Variants in KANSL1 observed in about 807,000 individuals in gnomAD.
The protein encoded by KANSL1 is KAT8 regulatory NSL complex subunit 1, also known as MLL1/MLL complex subunit KANSL1.
Under a neutral mutation model 103.6 loss-of-function variants are expected in KANSL1, and 22 were observed. That is an observed-to-expected ratio of 0.21 (90% CI 0.15 to 0.30). The LOEUF is 0.30. Among genes scored for constraint, KANSL1 ranks in the 10% least tolerant of loss-of-function variants. The pLI, the probability that KANSL1 is intolerant of heterozygous loss-of-function variation, is 1.00. For synonymous variants in KANSL1, 600 were observed against 527.6 expected (o/e 1.14, Z -1.88); for missense variants, 1,337 against 1,399.8 (o/e 0.96, Z 0.72).
At chr17:46,214,225 A>G (rs2048268442) in intron 1 of KANSL1, among the ~76,000 whole-genome samples, 1 of 152,256 alleles carries the variant, frequency 6.6e-6, no homozygotes, top group South Asian at 2.1e-4. Context: ...GACTGGGACC[A>G]ATAGATCCAA....
intron 7 of KANSL1, among the ~76,000 whole-genome samples, chr17:46,047,781 C>G (rs2077564177): frequency 6.9e-6 from 1 of 145,312 alleles, no homozygotes; most frequent in African/African-American, 2.5e-5. Context: ...GAGCAAGACC[C>G]TGTATCTAAA....
chr17:46,192,309 T>A (rs1255039462), intron 1 of KANSL1: 1 of 139,188 alleles, frequency 7.2e-6, no homozygotes, highest in Non-Finnish European at 1.6e-5. Context: ...CCTCTTTAGT[T>A]TAAAAAAAAA....
Position 46,033,460 on chromosome 17 carries a change from G to A in KANSL1, c.2667C>T (p.Ser889=). The part of the protein sequence containing the change: ...KLQYKEILTP[S]WREVDLQSLK... The stretch of plus-strand genomic sequence containing the variant: ...GAGACTGAAGATCAACCTCCCGCCA[G>A]CTGCAAAACCAAGAACAGACAATCA... Residue 889 remains serine (S), a splice_region_variant and synonymous_variant, in exon 12 of 15, where the codon AGC becomes AGT. Transcript: ENST00000432791. The A allele has an allele frequency of 2.5e-6, 4 of 1,614,046 alleles. No homozygotes were observed. The highest frequency in any genetic ancestry group is 3.4e-6 in the Non-Finnish European group (4 of 1,179,920).
intron 2 of KANSL1, among the ~76,000 whole-genome samples, chr17:46,116,149 C>T (rs2043035433): frequency 6.6e-6 from 1 of 152,188 alleles, no homozygotes; most frequent in South Asian, 2.1e-4. Flanking sequence ...GGATTTTATA[C>T]TTCACAAAAA....
Position 46,145,507 on chromosome 17 carries a change from G to A in KANSL1, c.1289+25348C>T, listed in dbSNP as rs543872590. Among the ~76,000 whole-genome samples the A allele has an allele frequency of 3.9e-5, 6 of 152,324 alleles. No homozygotes were observed. In the East Asian group the frequency reaches 1.2e-3, roughly 29 times the overall value. On this transcript the variant is annotated intron_variant, in intron 2 of 14. Transcript: ENST00000432791. ...GTTATCTTCCTGAAAACACTGTTGT[G>A]CTAAACTGAAACACAGCCTTTTCTC...
chr17:46,209,139 C>A (rs938923479), intron 1 of KANSL1, among the ~76,000 whole-genome samples: 1 of 151,788 alleles, frequency 6.6e-6, no homozygotes, highest in Non-Finnish European at 1.5e-5. Context: ...GCCAAGATTG[C>A]GCCGATTGCA....
chr17:46,049,340 G>A (rs2077629745), intron 7 of KANSL1: 1 of 145,202 alleles, frequency 6.9e-6, no homozygotes, highest in Non-Finnish European at 1.5e-5. Flanking sequence ...CTGGCCTCCA[G>A]GTTCAAGCGA....
At position 46,175,310 on chromosome 17, in the gene KANSL1, CTGTGTGTGTGTGTGTGTGTG is replaced by C. The variant is rs71138529; in HGVS notation, c.-89-3098_-89-3079del. 2.0e-3 allele frequency among the ~76,000 whole-genome samples: 282 copies of C among 137,572 alleles called. 1 individual carries two copies. The highest frequency in any genetic ancestry group is 5.5e-3 in the African/African-American group (198 of 35,912). The allele number at this position is 137,572 out of a possible 152,430, so 90.3% of individuals were successfully genotyped here. On this transcript the variant is annotated intron_variant, in intron 1 of 14. Coordinates refer to ENST00000432791, the MANE Select transcript of KANSL1 (RefSeq NM_015443.4). ...CATATGGGTCGAATCTGTCTTATTGCTGTGTGTGTGTGTGTGTGTGTGTGTGTGTGTGTGTGTGTGTGTGT... is the reference window on the plus strand; with the variant it reads ...CATATGGGTCGAATCTGTCTTATTGCTGTGTGTGTGTGTGTGTGTGTGTGT...
intron 2 of KANSL1, among the ~76,000 whole-genome samples, chr17:46,133,226 A>C (rs2043955045): frequency 6.6e-6 from 1 of 152,120 alleles, no homozygotes; most frequent in Non-Finnish European, 1.5e-5. Context: ...GTGATCCCAA[A>C]CCCTTACTGA....
chr17:46,161,419 G>C (rs2045735688), intron 2 of KANSL1, among the ~76,000 whole-genome samples: 1 of 151,724 alleles, frequency 6.6e-6, no homozygotes, highest in African/African-American at 2.4e-5. Flanking sequence ...CTGGGCGACA[G>C]AGCGAGACTC....
intron 3 of KANSL1, among the ~76,000 whole-genome samples, chr17:46,092,120 C>G (rs1401298843): frequency 6.6e-6 from 1 of 152,204 alleles, no homozygotes; most frequent in Non-Finnish European, 1.5e-5. Flanking sequence ...CAGGCGTGAG[C>G]CACTGCGCAC....
At chr17:46,056,680 T>G (rs949100993) in intron 6 of KANSL1, among the ~76,000 whole-genome samples, 3 of 152,208 alleles carry the variant, frequency 2.0e-5, no homozygotes, top group African/African-American at 7.2e-5. Context: ...ATATGATCAT[T>G]GATAAGTCAC....
chr17:46,157,869 C>T (rs970649318), intron 2 of KANSL1, among the ~76,000 whole-genome samples: 17 of 152,346 alleles, frequency 1.1e-4, no homozygotes, highest in South Asian at 2.1e-4. Context: ...AAATTCACTA[C>T]GCACAGGGTG....
chr17:46,084,509 A>C (rs62060856), intron 3 of KANSL1, among the ~76,000 whole-genome samples: 21,662 of 151,588 alleles, frequency 0.14, 2,084 homozygotes, highest in Non-Finnish European at 0.22. Context: ...CAGTGAAACA[A>C]CGTCTCCAGT....
intron 6 of KANSL1, among the ~76,000 whole-genome samples, chr17:46,052,361 T>G (rs1011119924): frequency 2.6e-5 from 4 of 152,118 alleles, no homozygotes; most frequent in Non-Finnish European, 2.9e-5. Flanking sequence ...AAAGTCAATA[T>G]TGGGAGGCCA....
At chr17:46,177,557 C>A (rs1483819424) in intron 1 of KANSL1, among the ~76,000 whole-genome samples, 1 of 152,162 alleles carries the variant, frequency 6.6e-6, no homozygotes, top group Non-Finnish European at 1.5e-5. Flanking sequence ...GTGCTTGCTT[C>A]ATTATTAAAT....
intron 1 of KANSL1, among the ~76,000 whole-genome samples, chr17:46,182,886 T>C (rs956106504): frequency 1.7e-4 from 26 of 152,346 alleles, no homozygotes; most frequent in Admixed American, 1.3e-4. Context: ...GACAGTAAAT[T>C]CTGAATTTTA....
rs371047711 is a variant in KANSL1 at position 46,050,615 on chromosome 17, G to A, written c.1938C>T (p.Pro646=). ...ACAGAGGGGCTTCATAGTGAATTTC[G>A]GGAGGCATGGTGTTGATGCTGCCTG... The part of the protein sequence containing the change: ...CGSGSINTMP[P]EIHYEAPLLE... The change falls in exon 7 of 15, where the codon CCC becomes CCT. Residue 646 remains proline (P), a synonymous_variant. Coordinates refer to ENST00000432791, the MANE Select transcript of KANSL1 (RefSeq NM_015443.4). 1.2e-4 allele frequency: 188 copies of A among 1,614,114 alleles called. No individual in the cohort carries two copies. The African/African-American group carries it at 2.1e-3, about 18-fold the overall frequency.
At chr17:46,073,759 C>T (rs376478608) in intron 4 of KANSL1, among the ~76,000 whole-genome samples, 4 of 152,088 alleles carry the variant, frequency 2.6e-5, no homozygotes, top group African/African-American at 7.2e-5. Flanking sequence ...AACTAACCTA[C>T]GTAACTTCAG....
Sources: allele counts gnomAD v4.1 joint callset (sites outside exome capture counted in the v4.1 genomes callset), GRCh38; gene constraint gnomAD v4.1.1; transcripts MANE v1.5; gene names NCBI Gene and HGNC (gene_info 2026-07-23, HGNC 2026-07-21).